The following ZNF510 variants were observed in gnomAD, a reference collection of about 807,000 sequenced individuals.
ZNF510 encodes zinc finger protein 510.
Under a neutral mutation model 18.1 loss-of-function variants are expected in ZNF510, and 15 were observed. The observed-to-expected ratio is 0.83, with a 90% CI of 0.55 to 1.28. The LOEUF is 1.28. ZNF510 is among the 50% of genes most tolerant of loss of function. ZNF510 has a pLI of 0.00. For synonymous variants in ZNF510, 261 were observed against 266.4 expected (o/e 0.98, Z 0.20); for missense variants, 724 against 791.8 (o/e 0.91, Z 1.03).
At chr9:96,767,679 G>C (rs558725535) in intron 3 of ZNF510, among the ~76,000 whole-genome samples, 1 of 152,034 alleles carries the variant, frequency 6.6e-6, no homozygotes, top group African/African-American at 2.4e-5. Context: ...GACTCAAAAA[G>C]AAACAGAACA....
chr9:96,761,818 A>G (rs2117950277), intron 5 of ZNF510, among the ~76,000 whole-genome samples: 1 of 152,320 alleles, frequency 6.6e-6, no homozygotes, highest in South Asian at 2.1e-4. Flanking sequence ...TTTTCCTTAA[A>G]GAATACAACT....
chr9:96,766,338 C>T (rs1278474129), intron 3 of ZNF510, among the ~76,000 whole-genome samples: 1 of 135,450 alleles, frequency 7.4e-6, no homozygotes, highest in Non-Finnish European at 1.7e-5. Context: ...CTCACCACTA[C>T]TATTTTTTTT....
intron 1 of ZNF510, among the ~76,000 whole-genome samples, chr9:96,776,676 C>A (rs1470912875): frequency 2.0e-5 from 3 of 152,104 alleles, no homozygotes; most frequent in African/African-American, 7.2e-5. Context: ...AGATTACAAG[C>A]TGGGAGGCTG....
rs1224941715 is a variant in ZNF510, at chr9:96,757,467, GCCT to G, written c.*1308_*1310del. On this transcript the variant is annotated 3_prime_UTR_variant, in exon 6 of 6. Coordinates refer to ENST00000223428, the MANE Select transcript of ZNF510 (RefSeq NM_014930.3). ...ATTTGAGGTTCTCCTTGACTCTCTA[GCCT>G]CCTAATAAGGTTTGTGCCCTCTGAT... 1 of 152,116 alleles carries G rather than the reference GCCT, an allele frequency of 6.6e-6. No homozygotes were observed. The highest frequency in any genetic ancestry group is 1.5e-5 in the Non-Finnish European group (1 of 68,020). 9.4% of individuals were successfully genotyped at this position (152,116 alleles called of 1,614,324 possible). A position where few individuals can be genotyped will look rare whatever the true frequency, so the allele number is the denominator to read the frequency against.
chr9:96,776,253 A>AT lies in ZNF510; in HGVS notation c.-176-9dup. ...CCTGGGGCTCCCTCCTTCCTGCAAC[A>AT]TAAAGAGCTGCTTTGCTCCAGAGAA... On this transcript the variant is annotated splice_polypyrimidine_tract_variant and intron_variant, in intron 1 of 5. Transcript: ENST00000223428. The AT allele has an allele frequency of 8.4e-7, 1 of 1,187,896 alleles. No homozygotes were observed. Among genetic ancestry groups the AT allele is most frequent in the African/African-American group, 1.6e-5 (1 of 63,468 alleles). 73.6% of individuals were successfully genotyped at this position (1,187,896 alleles called of 1,614,324 possible). A position where few individuals can be genotyped will look rare whatever the true frequency, so the allele number is the denominator to read the frequency against.
At chr9:96,769,469 C>T (rs943825021) in intron 3 of ZNF510, among the ~76,000 whole-genome samples, 1 of 150,174 alleles carries the variant, frequency 6.7e-6, no homozygotes, top group Non-Finnish European at 1.5e-5. Context: ...TAAAAGGGAT[C>T]AAAGACCTAA....
In ZNF510 at chr9:96,759,348, C is replaced by T. The variant is rs1280428034; in HGVS notation, c.1482G>A (p.Gly494=). Residue 494 remains glycine, a synonymous_variant, in exon 6 of 6, where the codon GGG becomes GGA. Transcript: ENST00000223428. ...GGGTGGACTTCTGAACAAAAGTTTT[C>T]CCACATTCACTACATTCATAGGGTT... ...GEKPYECSEC[G]KTFVQKSTLR... is the part of the protein sequence containing the mutation. The T allele has an allele frequency of 4.3e-6, 7 of 1,614,056 alleles. No individual in the cohort carries two copies. The highest frequency in any genetic ancestry group is 5.9e-6 in the Non-Finnish European group (7 of 1,179,992).
Position 96,759,188 on chromosome 9 carries a change from C to T in ZNF510, c.1642G>A (p.Glu548Lys). Residue 548 changes from glutamate (E) to lysine (K), a missense_variant, in exon 6 of 6, where the codon GAA becomes AAA. Transcript: ENST00000223428. ...TTTCGCCAGAAGGATTTTTCACATT[C>T]ATTACACTGGTAAGTTTTCTCCCCA... ...HTGEKTYQCN[E>K]CEKSFWRKDH... The T allele has an allele frequency of 6.2e-7, 1 of 1,613,998 alleles. No homozygotes were observed. Among genetic ancestry groups the T allele is most frequent in the Non-Finnish European group, 8.5e-7 (1 of 1,179,996 alleles).
Position 96,760,079 on chromosome 9 carries a change from C to A in ZNF510, c.751G>T (p.Glu251Ter). The change falls in exon 6 of 6, where the codon GAG (glutamate) becomes TAG (stop). Residue 251 changes from glutamate (E) to a stop codon, truncating the protein, a stop_gained. Transcript: ENST00000223428. LOFTEE classifies it low-confidence loss of function (END_TRUNC). Reference protein sequence around the residue: ...LPKHPKFQTLEQAFECNKIGK... With the variant: ...LPKHPKFQTL ...ATTTTATTACATTCAAAAGCTTGCTCCAAAGTTTGAAACTTTGGATGCTTG... is the reference window on the plus strand; with the variant it reads ...ATTTTATTACATTCAAAAGCTTGCTACAAAGTTTGAAACTTTGGATGCTTG... 1.2e-6 allele frequency: 2 copies of A among 1,610,854 alleles called. No homozygotes were observed. The highest frequency in any genetic ancestry group is 1.1e-5 in the South Asian group (1 of 90,352).
intron 3 of ZNF510, among the ~76,000 whole-genome samples, chr9:96,765,113 A>C: frequency 7.3e-6 from 1 of 137,800 alleles, no homozygotes; most frequent in East Asian, 1.9e-4. Flanking sequence ...ATTCTTGTAT[A>C]AAAAACAACA....
intron 3 of ZNF510, among the ~76,000 whole-genome samples, chr9:96,773,839 G>A (rs1468201101): frequency 6.6e-6 from 1 of 152,202 alleles, no homozygotes; most frequent in Non-Finnish European, 1.5e-5. Context: ...GCCTCCCAAA[G>A]TGCTGGGATC....
Position 96,763,551 on chromosome 9 carries a change from A to T in ZNF510, c.211T>A (p.Tyr71Asn), listed in dbSNP as rs777347084. 1 of 1,613,062 alleles carries T rather than the reference A, an allele frequency of 6.2e-7. No homozygotes were observed. The highest frequency in any genetic ancestry group is 2.2e-5 in the East Asian group (1 of 44,872). The change falls in exon 4 of 6, where the codon TAC becomes AAC. Residue 71 changes from tyrosine (Y) to asparagine (N), a missense_variant. Physicochemically the swap from Tyr to Asn is moderately radical, Grantham distance 143. Transcript: ENST00000223428. ...QQMAPVQKNL[Y>N]RDVMLENYSN... ...TAGTTCTCCAGCATCACATCTCTGT[A>T]CAGATTCTTCTGAACAGGGGCCATT...
chr9:96,770,165 T>C (rs921082582), intron 3 of ZNF510, among the ~76,000 whole-genome samples: 7 of 152,172 alleles, frequency 4.6e-5, no homozygotes, highest in Non-Finnish European at 5.9e-5. Flanking sequence ...ACAATCCAAA[T>C]GCTCATCAGT....
At position 96,758,614 on chromosome 9, in the gene ZNF510, A is replaced by ATTCATC; in HGVS notation, c.*158_*163dup. 1 of 672,182 alleles carries ATTCATC rather than the reference A, an allele frequency of 1.5e-6. No homozygotes were observed. The allele number at this position is 672,182 out of a possible 1,614,324, so 41.6% of individuals were successfully genotyped here. Reference sequence around the variant, plus strand: ...GCATTTTGGACACAATTCTTCCTGCATTCATCTTCATCTGGTTTCTTTCCT... The same window carrying ATTCATC: ...GCATTTTGGACACAATTCTTCCTGCATTCATCTTCATCTTCATCTGGTTTCTTTCCT... On this transcript the variant is annotated 3_prime_UTR_variant, in exon 6 of 6. Coordinates refer to ENST00000223428, the MANE Select transcript of ZNF510 (RefSeq NM_014930.3).
chr9:96,770,417 C>G (rs1012084917), intron 3 of ZNF510, among the ~76,000 whole-genome samples: 6 of 147,564 alleles, frequency 4.1e-5, no homozygotes, highest in African/African-American at 1.6e-4. Context: ...TGGTGACACC[C>G]TGTGTCTACT....
Position 96,759,278 on chromosome 9 carries a change from A to C in ZNF510, c.1552T>G (p.Cys518Gly). ...CCAAATGTTTTTCCACATTGATTGC[A>C]TTGAAAGGATTTCTCCCCTGTGTGA... ...RIHTGEKSFQ[C>G]NQCGKTFGQK... Residue 518 changes from cysteine to glycine, a missense_variant, in exon 6 of 6, where the codon TGC becomes GGC. Physicochemically the swap from Cys to Gly is radical, Grantham distance 159 (BLOSUM62 -3). Transcript: ENST00000223428. 1 of 1,614,022 alleles carries C rather than the reference A, an allele frequency of 6.2e-7. No individual in the cohort carries two copies. Among genetic ancestry groups the C allele is most frequent in the Non-Finnish European group, 8.5e-7 (1 of 1,179,994 alleles).
intron 4 of ZNF510, 32 bp from the exon 5 acceptor site, chr9:96,763,245 C>A: frequency 1.2e-6 from 2 of 1,600,510 alleles, no homozygotes; most frequent in South Asian, 1.1e-5. Flanking sequence ...GGACTTAGAC[C>A]AGATATATGA....
At chr9:96,767,316 A>G (rs1055090570) in intron 3 of ZNF510, among the ~76,000 whole-genome samples, 2 of 149,756 alleles carry the variant, frequency 1.3e-5, no homozygotes, top group African/African-American at 5.1e-5. Context: ...TGATAGAGCG[A>G]GACTCTGTCT....
chr9:96,777,305 C>T (rs1028150160), intron 1 of ZNF510, among the ~76,000 whole-genome samples: 2 of 152,170 alleles, frequency 1.3e-5, no homozygotes, highest in African/African-American at 4.8e-5. Context: ...GTGAAGGCTG[C>T]AATGCTGGGT....
Sources: gnomAD v4.1 joint callset for allele counts (sites outside exome capture counted in the v4.1 genomes callset) on GRCh38, gnomAD v4.1.1 for gene constraint, MANE v1.5 for transcripts, NCBI Gene and HGNC (gene_info 2026-07-23, HGNC 2026-07-21) for gene names.